Variants in PCDHAC1 observed in about 807,000 individuals in gnomAD.
The protein encoded by PCDHAC1 is protocadherin alpha subfamily C, 1.
PCDHAC1 carries 42 observed loss-of-function variants against 60.0 expected under a neutral mutation model. The ratio of observed to expected loss-of-function variants is 0.70; its 90% confidence interval spans 0.55 to 0.90. The LOEUF is 0.90. Ranked by LOEUF, PCDHAC1 falls within the 40% of genes least tolerant of loss-of-function variation. The pLI is 0.00. For missense variants in PCDHAC1, 1,160 were observed against 1,222.3 expected (o/e 0.95, Z 0.76); for synonymous variants, 468 against 499.3 (o/e 0.94, Z 0.84).
At chr5:140,974,098 T>C (rs1316262429) in intron 1 of PCDHAC1, among the ~76,000 whole-genome samples, 1 of 152,262 alleles carries the variant, frequency 6.6e-6, no homozygotes, top group Non-Finnish European at 1.5e-5. Flanking sequence ...AATCAAAGGT[T>C]AAAAGTATTC....
rs554073823 is a variant in PCDHAC1 at position 140,945,407 on chromosome 5, T to C, written c.2433+16082T>C. Among the ~76,000 whole-genome samples, 498 of 152,246 alleles carry C rather than the reference T, an allele frequency of 3.3e-3. 2 individuals carry two copies. Among genetic ancestry groups the C allele is most frequent in the African/African-American group, 0.011 (476 of 41,568 alleles). ...CAATATACAAATTCAATACAATTCG[T>C]ATCAAAATTTCAATGAAGTTTTTAC... On this transcript the variant is annotated intron_variant, in intron 1 of 3. Coordinates refer to ENST00000253807, the MANE Select transcript of PCDHAC1 (RefSeq NM_018898.5).
chr5:140,954,390 C>A (rs2095030202), intron 1 of PCDHAC1, among the ~76,000 whole-genome samples: 1 of 152,204 alleles, frequency 6.6e-6, no homozygotes, highest in South Asian at 2.1e-4. Context: ...AACTAATTTA[C>A]AACCCCACCA....
At position 140,929,330 on chromosome 5, in the gene PCDHAC1, G is replaced by T; in HGVS notation, c.2433+5G>T. The T allele has an allele frequency of 6.5e-7, 1 of 1,535,218 alleles. No homozygotes were observed. ...CACGCTAATGTCAATGCCATGGTAA[G>T]CAAATTTTATGGAATTTGATTCCTT... On this transcript the variant is annotated splice_donor_5th_base_variant and intron_variant, in intron 1 of 3. Coordinates refer to ENST00000253807, the MANE Select transcript of PCDHAC1 (RefSeq NM_018898.5).
chr5:140,949,457 T>C (rs1369576515), intron 1 of PCDHAC1, among the ~76,000 whole-genome samples: 1 of 151,872 alleles, frequency 6.6e-6, no homozygotes, highest in Non-Finnish European at 1.5e-5. Flanking sequence ...TCATGTAATT[T>C]GAAGCCCTGT....
intron 1 of PCDHAC1, among the ~76,000 whole-genome samples, chr5:140,941,599 G>A (rs1017713166): frequency 3.3e-5 from 5 of 152,116 alleles, no homozygotes; most frequent in African/African-American, 1.2e-4. Flanking sequence ...ACAGCCATGA[G>A]CCATGGTGCC....
chr5:140,976,378 C>A (rs908008970), intron 1 of PCDHAC1, among the ~76,000 whole-genome samples: 2 of 151,926 alleles, frequency 1.3e-5, no homozygotes, highest in Non-Finnish European at 2.9e-5. Flanking sequence ...TGGTGAAACC[C>A]CATCTCTACT....
At chr5:140,991,026 T>A (rs1003749305) in intron 3 of PCDHAC1, among the ~76,000 whole-genome samples, 8 of 152,210 alleles carry the variant, frequency 5.3e-5, no homozygotes, top group Admixed American at 2.0e-4. Context: ...ACTTTACATA[T>A]GTTGCATACT....
chr5:140,992,436 G>A (rs782486395), intron 3 of PCDHAC1, among the ~76,000 whole-genome samples: 10 of 152,186 alleles, frequency 6.6e-5, no homozygotes, highest in Non-Finnish European at 1.3e-4. Flanking sequence ...TGTTCCAAGA[G>A]TTGGGAGCAG....
chr5:140,940,509 C>T lies in PCDHAC1; in HGVS notation c.2433+11184C>T, dbSNP rs556405860. ...GACAAGTCTTGCTCCGTCGCTCAGG[C>T]GTGATCATAGCTCACTGCAATCTTG... On this transcript the variant is annotated intron_variant, in intron 1 of 3. Coordinates refer to ENST00000253807, the MANE Select transcript of PCDHAC1 (RefSeq NM_018898.5). 2.0e-5 allele frequency among the ~76,000 whole-genome samples: 3 copies of T among 152,086 alleles called. No individual in the cohort carries two copies. In the South Asian group the frequency reaches 6.2e-4, roughly 32 times the overall value.
Position 141,010,554 on chromosome 5 carries a change from C to G in PCDHAC1, c.*617C>G. On this transcript the variant is annotated 3_prime_UTR_variant, in exon 4 of 4. Transcript: ENST00000253807. ...CACCCTCTAGGAGACAAAACTACCC[C>G]CACTGACAAGGCTTTAGGAGACCCT... The G allele has an allele frequency of 3.1e-6, 1 of 322,198 alleles. No individual in the cohort carries two copies. The highest frequency in any genetic ancestry group is 9.3e-4 in the Middle Eastern group (1 of 1,074). 20.0% of individuals were successfully genotyped at this position (322,198 alleles called of 1,614,324 possible).
chr5:140,982,264 TG>T, intron 2 of PCDHAC1: 1 of 865,882 alleles, frequency 1.2e-6, no homozygotes, highest in Non-Finnish European at 1.7e-6. Flanking sequence ...TGTGTGTTCC[TG>T]GAATAGTATA....
intron 3 of PCDHAC1, among the ~76,000 whole-genome samples, chr5:141,006,384 T>G (rs181638891): frequency 6.6e-6 from 1 of 152,126 alleles, no homozygotes; most frequent in African/African-American, 2.4e-5. Flanking sequence ...GCTAAGTTTT[T>G]TCTATTTTTT....
intron 3 of PCDHAC1, among the ~76,000 whole-genome samples, chr5:141,002,222 G>A (rs1278350490): frequency 2.0e-5 from 3 of 152,212 alleles, no homozygotes; most frequent in Non-Finnish European, 4.4e-5. Context: ...AAAATGATGG[G>A]TTTTCTGGAA....
intron 1 of PCDHAC1, chr5:140,967,271 A>T (rs1007708043): frequency 6.2e-7 from 1 of 1,613,338 alleles, no homozygotes; most frequent in African/African-American, 1.3e-5. Context: ...GCGCTTTCAC[A>T]TAGAGAGTGC....
chr5:140,962,171 G>T (rs1218733161), intron 1 of PCDHAC1, among the ~76,000 whole-genome samples: 1 of 151,902 alleles, frequency 6.6e-6, no homozygotes, highest in Admixed American at 6.6e-5. Flanking sequence ...CACCACACCC[G>T]GCCACTTATA....
chr5:140,934,331 A>C (rs1313968911), intron 1 of PCDHAC1, among the ~76,000 whole-genome samples: 1 of 152,116 alleles, frequency 6.6e-6, no homozygotes, highest in East Asian at 1.9e-4. Flanking sequence ...CATGAATGTA[A>C]TAACCACCAG....
intron 1 of PCDHAC1, among the ~76,000 whole-genome samples, chr5:140,959,960 T>C (rs1236536895): frequency 6.6e-6 from 1 of 152,124 alleles, no homozygotes; most frequent in Non-Finnish European, 1.5e-5. Context: ...AGGTAGGAGG[T>C]AGATGTTACT....
intron 1 of PCDHAC1, among the ~76,000 whole-genome samples, chr5:140,948,234 T>G (rs1011132417): frequency 6.6e-6 from 1 of 151,670 alleles, no homozygotes; most frequent in African/African-American, 2.4e-5. Flanking sequence ...TTAACTTGTA[T>G]TTTAGTAAAT....
intron 3 of PCDHAC1, among the ~76,000 whole-genome samples, chr5:140,992,987 C>G (rs1259400627): frequency 6.6e-6 from 1 of 152,158 alleles, no homozygotes; most frequent in East Asian, 1.9e-4. Context: ...GGCCATGGGA[C>G]CCATGAAAGA....
Sources: gnomAD v4.1 joint callset for allele counts (sites outside exome capture counted in the v4.1 genomes callset) on GRCh38, gnomAD v4.1.1 for gene constraint, MANE v1.5 for transcripts, NCBI Gene and HGNC (gene_info 2026-07-23, HGNC 2026-07-21) for gene names.